PPAT: variants seen among roughly 807,000 people sequenced by gnomAD.
PPAT encodes phosphoribosyl pyrophosphate amidotransferase.
In PPAT, 20 loss-of-function variants were observed where a neutral mutation model predicts 60.2. The ratio of observed to expected loss-of-function variants is 0.33; its 90% CI spans 0.23 to 0.48. The LOEUF is 0.48. PPAT is among the 20% of genes least tolerant of loss of function. The probability of loss-of-function intolerance (pLI) is 0.99; values close to 1 mark genes in which losing one functional copy is unlikely to be tolerated. For synonymous variants in PPAT, 194 were observed against 215.1 expected (o/e 0.90, Z 0.86); for missense variants, 349 against 629.6 (o/e 0.55, Z 4.77).
Position 56,396,331 on chromosome 4 carries a change from G to T in PPAT, c.1357+288C>A. On this transcript the variant is annotated intron_variant, in intron 10 of 10. Coordinates refer to ENST00000264220, the MANE Select transcript of PPAT (RefSeq NM_002703.5). This position sits in a 1 kb window ranked among gnomAD's most constrained non-coding sequence, Gnocchi z 4.6. The stretch of plus-strand genomic sequence containing the variant: ...ATTAAATTATTTTTGTTTTTCTTGG[G>T]ATCTGACTTTTGGGAGGCTTTAAGT... 1 of 211,906 alleles carries T rather than the reference G, an allele frequency of 4.7e-6. No homozygotes were observed. The highest frequency in any genetic ancestry group is 1.0e-4 in the East Asian group (1 of 9,666). The allele number at this position is 211,906 out of a possible 1,614,324, so 13.1% of individuals were successfully genotyped here.
rs1487022863 is a variant in PPAT at position 56,394,466 on chromosome 4, G to C, written c.*886C>G. 3.3e-5 allele frequency: 5 copies of C among 152,174 alleles called. No homozygotes were observed. The highest frequency in any genetic ancestry group is 7.4e-5 in the Non-Finnish European group (5 of 67,980). 9.4% of individuals were successfully genotyped at this position (152,174 alleles called of 1,614,324 possible). A position where few individuals can be genotyped will look rare whatever the true frequency, so the allele number is the denominator to read the frequency against. On this transcript the variant is annotated 3_prime_UTR_variant, in exon 11 of 11. Transcript: ENST00000264220. The stretch of plus-strand genomic sequence containing the variant: ...TAAATTAAGGATAAAGGGATTGTTT[G>C]AATCTAAAAATTTGGTTTTTATTTC...
intron 1 of PPAT, among the ~76,000 whole-genome samples, chr4:56,431,946 A>C (rs1717604876): frequency 6.6e-6 from 1 of 152,236 alleles, no homozygotes; most frequent in Admixed American, 6.5e-5. Flanking sequence ...GGACATGTGA[A>C]AATTCCCCTA....
chr4:56,403,031 G>T lies in PPAT; in HGVS notation c.661+9C>A. 6.3e-7 allele frequency: 1 copy of T among 1,591,538 alleles called. No homozygotes were observed. Among genetic ancestry groups the T allele is most frequent in the Non-Finnish European group, 8.5e-7 (1 of 1,170,818 alleles). On this transcript the variant is annotated intron_variant, in intron 5 of 10. Transcript: ENST00000264220. Reference sequence around the variant, plus strand: ...ACTATGAAATGATATTCCTTCTAAAGTTTATTACCTTTGTCATTTATATCA... The same window carrying T: ...ACTATGAAATGATATTCCTTCTAAATTTTATTACCTTTGTCATTTATATCA...
Position 56,407,609 on chromosome 4 carries a change from C to G in PPAT, c.195+41G>C. 3 of 1,498,926 alleles carry G rather than the reference C, an allele frequency of 2.0e-6. No individual in the cohort carries two copies. The African/African-American group carries it at 4.1e-5, about 21-fold the overall frequency. 92.9% of individuals were successfully genotyped at this position (1,498,926 alleles called of 1,614,324 possible). On this transcript the variant is annotated intron_variant, in intron 2 of 10. Coordinates refer to ENST00000264220, the MANE Select transcript of PPAT (RefSeq NM_002703.5). ...CTGGGATTACAGGCATGAACCACCGCACTTGGTCTGTCATCAACATTTCTT... is the reference window on the plus strand; with the variant it reads ...CTGGGATTACAGGCATGAACCACCGGACTTGGTCTGTCATCAACATTTCTT...
intron 1 of PPAT, among the ~76,000 whole-genome samples, chr4:56,408,912 G>C (rs568859432): frequency 6.6e-6 from 1 of 152,068 alleles, no homozygotes; most frequent in East Asian, 1.9e-4. Flanking sequence ...AACTGGGCGC[G>C]CTAACCTTGT....
chr4:56,435,346 T>C lies in PPAT; in HGVS notation c.128+4A>G, dbSNP rs1341876400. ...GCCCCCGCCACCCCCACCCTGTTGC[T>C]CACCGGTGCTGCAGCCCCACGAGTC... On this transcript the variant is annotated splice_donor_region_variant and intron_variant, in intron 1 of 10. Coordinates refer to ENST00000264220, the MANE Select transcript of PPAT (RefSeq NM_002703.5). 1.2e-6 allele frequency: 2 copies of C among 1,611,462 alleles called. No individual in the cohort carries two copies. The highest frequency in any genetic ancestry group is 1.7e-6 in the Non-Finnish European group (2 of 1,178,826).
rs754518266 is a variant in PPAT, at chr4:56,393,880, G to C, written c.*1472C>G. The C allele has an allele frequency of 3.3e-5, 5 of 152,272 alleles. No homozygotes were observed. Among genetic ancestry groups the C allele is most frequent in the Non-Finnish European group, 5.9e-5 (4 of 68,036 alleles). The allele number at this position is 152,272 out of a possible 1,614,324, so 9.4% of individuals were successfully genotyped here. ...GCTTTATTCAAATGCCAATTTGCCCGTGTCACTGCCACAGGGTTATCTGAC... is the reference window on the plus strand; with the variant it reads ...GCTTTATTCAAATGCCAATTTGCCCCTGTCACTGCCACAGGGTTATCTGAC... On this transcript the variant is annotated 3_prime_UTR_variant, in exon 11 of 11. Coordinates refer to ENST00000264220, the MANE Select transcript of PPAT (RefSeq NM_002703.5).
intron 9 of PPAT, among the ~76,000 whole-genome samples, chr4:56,397,871 C>T (rs1716013034): frequency 6.6e-6 from 1 of 150,964 alleles, no homozygotes; most frequent in Admixed American, 6.6e-5. Flanking sequence ...TGAAACCCTG[C>T]CTCTACTAAA....
intron 1 of PPAT, among the ~76,000 whole-genome samples, chr4:56,431,881 T>C (rs567324649): frequency 6.1e-4 from 93 of 152,310 alleles, no homozygotes; most frequent in African/African-American, 2.1e-3. Flanking sequence ...TTGGTGATTA[T>C]ATAAATCAGG....
In PPAT at chr4:56,435,338, C is replaced by A; in HGVS notation, c.128+12G>T. 1 of 1,613,588 alleles carries A rather than the reference C, an allele frequency of 6.2e-7. No individual in the cohort carries two copies. Among genetic ancestry groups the A allele is most frequent in the Non-Finnish European group, 8.5e-7 (1 of 1,179,682 alleles). On this transcript the variant is annotated intron_variant, in intron 1 of 10. Transcript: ENST00000264220. ...AGACGCACGCCCCCGCCACCCCCAC[C>A]CTGTTGCTCACCGGTGCTGCAGCCC...
At chr4:56,432,294 G>A (rs1178621816) in intron 1 of PPAT, among the ~76,000 whole-genome samples, 1 of 152,072 alleles carries the variant, frequency 6.6e-6, no homozygotes, top group Admixed American at 6.5e-5. Flanking sequence ...TTGGGAGACC[G>A]AAGAGGGTGG....
At chr4:56,401,304 T>C (rs778958702) in intron 7 of PPAT, 26 bp downstream of exon 7, 3 of 1,543,318 alleles carry the variant, frequency 1.9e-6, no homozygotes, top group Admixed American at 2.1e-5. Context: ...TTTATATGAA[T>C]GTTCAAAGAA....
intron 1 of PPAT, among the ~76,000 whole-genome samples, chr4:56,416,001 C>T (rs1030679350): frequency 1.9e-4 from 28 of 151,044 alleles, no homozygotes; most frequent in African/African-American, 5.8e-4. Flanking sequence ...ACCCGGGAGG[C>T]GGAGGTTGCA....
chr4:56,408,648 G>A (rs920030064), intron 1 of PPAT, among the ~76,000 whole-genome samples: 2 of 150,958 alleles, frequency 1.3e-5, no homozygotes, highest in African/African-American at 2.4e-5. Flanking sequence ...CAGCTACTCC[G>A]GAGGCTGAGG....
At chr4:56,429,178 TG>T (rs1717449927) in intron 1 of PPAT, among the ~76,000 whole-genome samples, 1 of 152,132 alleles carries the variant, frequency 6.6e-6, no homozygotes, top group Admixed American at 6.6e-5. Flanking sequence ...GCTCACTGAG[TG>T]AAAGTTCCTG....
intron 8 of PPAT, chr4:56,399,614 A>C (rs758474455): frequency 1.1e-4 from 51 of 443,956 alleles, no homozygotes; most frequent in Non-Finnish European, 1.9e-4. Context: ...TTTTTGTCTT[A>C]AACATTATTC....
intron 7 of PPAT, among the ~76,000 whole-genome samples, 186 bp from the exon 8 acceptor site, chr4:56,401,097 C>T (rs573373295): frequency 3.7e-4 from 57 of 152,032 alleles, no homozygotes; most frequent in Middle Eastern, 3.4e-3. Flanking sequence ...AAAAATCGAC[C>T]TTCATATAGA....
chr4:56,403,733 A>C (rs1360018551), intron 3 of PPAT, among the ~76,000 whole-genome samples: 1 of 152,182 alleles, frequency 6.6e-6, no homozygotes, highest in African/African-American at 2.4e-5. Context: ...GGGAGCCCTG[A>C]GCTTGTTTTC....
intron 1 of PPAT, among the ~76,000 whole-genome samples, chr4:56,429,235 G>A (rs192036968): frequency 6.6e-6 from 1 of 152,320 alleles, no homozygotes; most frequent in East Asian, 1.9e-4. Flanking sequence ...AGAAAAAAGA[G>A]TGAGAGTAAC....
Sources: gnomAD v4.1 joint callset for allele counts (sites outside exome capture counted in the v4.1 genomes callset) on GRCh38, gnomAD v4.1.1 for gene constraint, Gnocchi (gnomAD v3.1) non-coding constraint, MANE v1.5 for transcripts, NCBI Gene and HGNC (gene_info 2026-07-23, HGNC 2026-07-21) for gene names.